SYTL2: variants seen among roughly 807,000 people sequenced by gnomAD.
SYTL2 encodes synaptotagmin-like protein 2.
A neutral mutation model predicts 198.7 loss-of-function variants in SYTL2; 165 were observed. The observed-to-expected ratio is 0.83, with a 90% CI of 0.73 to 0.94. SYTL2 has a LOEUF of 0.94. Ranked by LOEUF, SYTL2 falls within the 40% of genes least tolerant of loss-of-function variation. The pLI, the probability that SYTL2 is intolerant of heterozygous loss-of-function variation, is 0.00. For missense variants in SYTL2, 2,835 were observed against 2,582.8 expected (o/e 1.10, Z -2.12); for synonymous variants, 966 against 917.7 (o/e 1.05, Z -0.95).
chr11:85,811,370 CCTT>C (rs922733810), upstream of SYTL2, among the ~76,000 whole-genome samples: 2 of 152,114 alleles, frequency 1.3e-5, no homozygotes, highest in African/African-American at 4.8e-5. Context: ...TTCCTAGCCT[CCTT>C]CTCAAGTGTA....
chr11:85,827,639 G>GTC, the SYTL2 span, among the ~76,000 whole-genome samples: 1 of 152,126 alleles, frequency 6.6e-6, no homozygotes, highest in East Asian at 1.9e-4. Context: ...CTTATAAATA[G>GTC]TAAGTTCTGG....
chr11:85,836,568 G>T, the SYTL2 span, among the ~76,000 whole-genome samples: 2 of 151,802 alleles, frequency 1.3e-5, no homozygotes, highest in Non-Finnish European at 2.9e-5. Flanking sequence ...AAAGCCCCAG[G>T]GCCCTCTGAC....
At chr11:85,800,866 C>A (rs2092876737) in intron 1 of SYTL2, among the ~76,000 whole-genome samples, 3 of 152,228 alleles carry the variant, frequency 2.0e-5, no homozygotes, top group Non-Finnish European at 4.4e-5. Flanking sequence ...AGTGCAGATG[C>A]AGGTGACTGT....
rs1400700454 is a variant in SYTL2, at chr11:85,725,632, C to T, written c.3726G>A (p.Lys1242=). The T allele has an allele frequency of 2.5e-6, 4 of 1,614,134 alleles. No homozygotes were observed. In the Admixed American group the frequency reaches 6.7e-5, roughly 27 times the overall value. ...LAPVITGTNS[K]LEEGRFFGKG... is the part of the protein sequence containing the mutation. Reference sequence around the variant, plus strand: ...TTCCAAAAAATCTCCCCTCTTCCAGCTTAGAGTTGGTTCCAGTGATAACAG... The same window carrying T: ...TTCCAAAAAATCTCCCCTCTTCCAGTTTAGAGTTGGTTCCAGTGATAACAG... The change falls in exon 8 of 20, where the codon AAG becomes AAA. Residue 1242 remains lysine, a synonymous_variant. Coordinates refer to ENST00000359152, the MANE Select transcript of SYTL2 (RefSeq NM_206927.4).
rs147310562 is a variant in SYTL2, at chr11:85,743,711, C to A, written c.389+1926G>T. Among the ~76,000 whole-genome samples, 80 of 152,242 alleles carry A rather than the reference C, an allele frequency of 5.3e-4. 2 individuals are homozygous for A. The highest frequency in any genetic ancestry group is 8.4e-4 in the Non-Finnish European group (57 of 68,008). On this transcript the variant is annotated intron_variant, in intron 4 of 19. Transcript: ENST00000359152. ...AGTGGGAGAATACCCACCAGCCCCA[C>A]GGTTCATGAAGAAAAAGTTAGGCTA...
In SYTL2 at chr11:85,724,508, T is replaced by C. The variant is rs2088840044; in HGVS notation, c.4850A>G (p.Gln1617Arg). 2 of 1,613,864 alleles carry C rather than the reference T, an allele frequency of 1.2e-6. No individual in the cohort carries two copies. The highest frequency in any genetic ancestry group is 1.7e-5 in the Admixed American group (1 of 60,008). The change falls in exon 8 of 20, where the codon CAG (glutamine) becomes CGG (arginine). Residue 1617 changes from glutamine (Q) to arginine (R), a missense_variant. Gln to Arg is a conservative substitution (Grantham distance 43, BLOSUM62 1). Transcript: ENST00000359152. ...TVPHFYRAAS[Q>R]TSEMKDKSNG... ...ACTTTTATCCTTCATTTCAGAGGTC[T>C]GTGAGGCTGCCCTGTAAAAATGGGG...
chr11:85,830,094 TA>T, the SYTL2 span, among the ~76,000 whole-genome samples: 2,959 of 152,328 alleles, frequency 0.019, 31 homozygotes, highest in Middle Eastern at 0.031. Flanking sequence ...GTGTTTTGTC[TA>T]ATATCAATCA....
At chr11:85,840,280 C>G in the SYTL2 span, among the ~76,000 whole-genome samples, 1 of 152,086 alleles carries the variant, frequency 6.6e-6, no homozygotes, top group Admixed American at 6.6e-5. Flanking sequence ...TGCGCAAAAG[C>G]TTTTTAACTT....
intron 7 of SYTL2, among the ~76,000 whole-genome samples, chr11:85,729,665 A>C (rs2089599017): frequency 1.3e-5 from 2 of 152,206 alleles, no homozygotes; most frequent in Non-Finnish European, 2.9e-5. Flanking sequence ...ACACCCTAAC[A>C]TCACAATTAG....
chr11:85,795,233 C>T (rs2092786357), intron 1 of SYTL2, among the ~76,000 whole-genome samples: 1 of 151,862 alleles, frequency 6.6e-6, no homozygotes, highest in Non-Finnish European at 1.5e-5. Context: ...TTTTCAGCCC[C>T]CCAAATAAAG....
At chr11:85,767,956 G>C (rs1025172547) in intron 1 of SYTL2, among the ~76,000 whole-genome samples, 1 of 152,158 alleles carries the variant, frequency 6.6e-6, no homozygotes, top group Non-Finnish European at 1.5e-5. Context: ...AAGGTCACGT[G>C]AGCTCAGCAC....
In SYTL2 at chr11:85,704,982, G is replaced by C. The variant is rs1462845864; in HGVS notation, c.6065C>G (p.Ser2022Cys). The C allele has an allele frequency of 6.2e-7, 1 of 1,613,210 alleles. No individual in the cohort carries two copies. The highest frequency in any genetic ancestry group is 8.5e-7 in the Non-Finnish European group (1 of 1,179,498). Residue 2022 changes from serine (S) to cysteine (C), a missense_variant, in exon 16 of 20, where the codon TCC becomes TGC. Ser to Cys is a moderately radical substitution (Grantham distance 112). This residue lies in a region of SYTL2 where 2,645 missense variants were observed against 2,381.7 expected (regional missense o/e 1.11). Coordinates refer to ENST00000359152, the MANE Select transcript of SYTL2 (RefSeq NM_206927.4). The part of the protein sequence containing the change: ...QILKTQKLNL[S>C]IWHRDTFKRN... ...CTTAAATGTATCCCGATGCCAAATG[G>C]ACAGGTTCAATTTCTGTGTCTTTAA...
In SYTL2 at chr11:85,782,374, C is replaced by T. The variant is rs112250383; in HGVS notation, c.-389-24260G>A. On this transcript the variant is annotated intron_variant, in intron 1 of 19. Coordinates refer to ENST00000359152, the MANE Select transcript of SYTL2 (RefSeq NM_206927.4). ...GACCCAGCCCAGGAAACCATTTTCC[C>T]TTCCTAGGCCTCCAGACCTGTGATG... Among the ~76,000 whole-genome samples the T allele has an allele frequency of 6.5e-3, 991 of 152,308 alleles. 11 individuals carry two copies. Among genetic ancestry groups the T allele is most frequent in the African/African-American group, 0.023 (938 of 41,560 alleles).
At chr11:85,798,005 C>A (rs910100678) in intron 1 of SYTL2, among the ~76,000 whole-genome samples, 2 of 147,784 alleles carry the variant, frequency 1.4e-5, no homozygotes, top group African/African-American at 5.0e-5. Flanking sequence ...AGGTGCACAC[C>A]ACTATGCCAG....
chr11:85,842,653 T>A, the SYTL2 span, among the ~76,000 whole-genome samples: 6 of 152,132 alleles, frequency 3.9e-5, no homozygotes, highest in African/African-American at 1.4e-4. Context: ...CTGGAGCATA[T>A]AACAAGGGGA....
Position 85,724,590 on chromosome 11 carries a change from C to G in SYTL2, c.4768G>C (p.Glu1590Gln), listed in dbSNP as rs200299794. Residue 1590 changes from glutamate (E) to glutamine (Q), a missense_variant, in exon 8 of 20, where the codon GAA (glutamate) becomes CAA (glutamine). Glu to Gln is a conservative substitution (Grantham distance 29). Coordinates refer to ENST00000359152, the MANE Select transcript of SYTL2 (RefSeq NM_206927.4). ...PYQPQVSVREETHEKESSQSE... is the reference protein window; with the variant it reads ...PYQPQVSVREQTHEKESSQSE... ...TGTGAGGACTCCTTCTCGTGAGTTT[C>G]TTCTCTCACTGACACCTGGGGCTGA... 6.2e-7 allele frequency: 1 copy of G among 1,612,984 alleles called. No homozygotes were observed. The highest frequency in any genetic ancestry group is 1.3e-5 in the African/African-American group (1 of 74,886).
upstream of SYTL2, among the ~76,000 whole-genome samples, chr11:85,815,611 G>A (rs983598867): frequency 6.6e-6 from 1 of 152,156 alleles, no homozygotes; most frequent in African/African-American, 2.4e-5. Flanking sequence ...TCAACCCTAT[G>A]ATGTAGGAAG....
At chr11:85,754,320 T>C (rs1345586996) in intron 2 of SYTL2, among the ~76,000 whole-genome samples, 1 of 152,206 alleles carries the variant, frequency 6.6e-6, no homozygotes, top group Non-Finnish European at 1.5e-5. Context: ...TTCCTTGTAC[T>C]TAATAGGTGC....
intron 1 of SYTL2, among the ~76,000 whole-genome samples, chr11:85,795,443 AT>A (rs1400971699): frequency 6.6e-6 from 1 of 152,232 alleles, no homozygotes; most frequent in Non-Finnish European, 1.5e-5. Context: ...AGTTGCACTC[AT>A]TTAACAAATG....
Sources: allele counts gnomAD v4.1 joint callset (sites outside exome capture counted in the v4.1 genomes callset), GRCh38; gene constraint gnomAD v4.1.1; regional missense constraint gnomAD v4.1.1; transcripts MANE v1.5; gene names NCBI Gene and HGNC (gene_info 2026-07-23, HGNC 2026-07-21).